ZSCAN20: variants seen among roughly 807,000 people sequenced by gnomAD.
ZSCAN20 encodes zinc finger and SCAN domain containing 20.
A neutral mutation model predicts 97.1 loss-of-function variants in ZSCAN20; 39 were observed. The ratio of observed to expected loss-of-function variants is 0.40; its 90% CI spans 0.31 to 0.52. ZSCAN20 has a LOEUF of 0.52. Among genes scored for constraint, ZSCAN20 ranks in the 20% least tolerant of loss-of-function variants. ZSCAN20 has a pLI of 0.49. For missense variants in ZSCAN20, 1,115 were observed against 1,290.4 expected (o/e 0.86, Z 2.08); for synonymous variants, 456 against 467.3 (o/e 0.98, Z 0.31).
In ZSCAN20 at chr1:33,494,490, A is replaced by G; in HGVS notation, c.2146A>G (p.Met716Val). The change falls in exon 8 of 8, where the codon ATG becomes GTG. Residue 716 changes from methionine (M) to valine (V), a missense_variant. By Grantham distance (21) the Met-to-Val change is conservative. Coordinates refer to ENST00000684572, the MANE Select transcript of ZSCAN20 (RefSeq NM_001377376.1). Reference protein sequence around the residue: ...AEKPYKCDTCMKSFSRSSHFI... With the variant: ...AEKPYKCDTCVKSFSRSSHFI... ...GAAACCCTACAAGTGTGACACATGC[A>G]TGAAGAGCTTCAGTCGGAGCTCCCA... is the stretch of plus-strand genomic sequence containing the variant. 1.2e-6 allele frequency: 2 copies of G among 1,614,248 alleles called. No individual in the cohort carries two copies. The highest frequency in any genetic ancestry group is 1.7e-6 in the Non-Finnish European group (2 of 1,180,024).
chr1:33,488,710 G>T, intron 3 of ZSCAN20, 59 bp downstream of exon 3: 1 of 1,543,786 alleles, frequency 6.5e-7, no homozygotes, highest in Admixed American at 2.1e-5. Flanking sequence ...GGGATGGGAG[G>T]TGAGGAAGGG....
chr1:33,473,169 T>A (rs186683554), intron 1 of ZSCAN20, among the ~76,000 whole-genome samples: 1 of 152,272 alleles, frequency 6.6e-6, no homozygotes, highest in East Asian at 1.9e-4. Flanking sequence ...GGACTGGCTA[T>A]TGTGTTCTGC....
Position 33,493,539 on chromosome 1 carries a change from C to G in ZSCAN20, c.1797C>G (p.Ala599=), listed in dbSNP as rs1652712278. ...GGCAGAGTAGTGCTGAGACTGATGC[C>G]CAGGAGGCCTGGGGTGAAGTGGCCA... ...RCGQSSAETD[A]QEAWGEVANE... is the part of the protein sequence containing the mutation. Residue 599 remains alanine (A), a synonymous_variant, in exon 7 of 8, where the codon GCC becomes GCG. Transcript: ENST00000684572. This position sits in a 1 kb window ranked among gnomAD's most constrained non-coding sequence, Gnocchi z 4.3. The G allele has an allele frequency of 5.0e-6, 8 of 1,612,922 alleles. No homozygotes were observed. The highest frequency in any genetic ancestry group is 6.8e-6 in the Non-Finnish European group (8 of 1,179,264).
At position 33,500,230 on chromosome 1, in the gene ZSCAN20, C is replaced by A. The variant is rs780297299; in HGVS notation, c.*4754C>A. On this transcript the variant is annotated 3_prime_UTR_variant, in exon 8 of 8. Transcript: ENST00000684572. The stretch of plus-strand genomic sequence containing the variant: ...GGGGCAAAGGCAGGTTCCTTCCTTA[C>A]CTTATTGTTGCTTCCCCCACCCCAT... Among the ~76,000 whole-genome samples the A allele has an allele frequency of 1.3e-5, 2 of 152,152 alleles. No individual in the cohort carries two copies. The highest frequency in any genetic ancestry group is 4.8e-5 in the African/African-American group (2 of 41,416).
At position 33,489,148 on chromosome 1, in the gene ZSCAN20, A is replaced by G. The variant is rs564829455; in HGVS notation, c.638A>G (p.Lys213Arg). ...VLTPRVPTLP[K>R]MGSVGDWEVT... ...ACTCCCCGAGTCCCTACTCTCCCAA[A>G]GATGGGGAGCGTTGGAGATTGGGAG... Residue 213 changes from lysine (K) to arginine (R), a missense_variant, in exon 4 of 8, where the codon AAG becomes AGG. Physicochemically the swap from Lys to Arg is conservative, Grantham distance 26. Around this residue, in one of 3 missense-constraint regions of ZSCAN20, gnomAD observed 508 missense variants for 611.2 expected, o/e 0.83. Transcript: ENST00000684572. The G allele has an allele frequency of 9.2e-5, 149 of 1,613,862 alleles. 1 individual carries two copies. In the South Asian group the frequency reaches 1.6e-3, roughly 17 times the overall value.
At chr1:33,482,993 T>C (rs1652210965) in intron 2 of ZSCAN20, among the ~76,000 whole-genome samples, 1 of 152,242 alleles carries the variant, frequency 6.6e-6, no homozygotes, top group African/African-American at 2.4e-5. Flanking sequence ...TTTGCAAATA[T>C]ATTCTCCCAG....
Position 33,491,810 on chromosome 1 carries a change from A to G in ZSCAN20, c.1444+108A>G. On this transcript the variant is annotated intron_variant, in intron 6 of 7. Transcript: ENST00000684572. The surrounding 1 kb of genome is among the most constrained non-coding windows in gnomAD (Gnocchi z 4.3). ...GCTGCAAGTCTGGATTGAAGCCACT[A>G]GAGTGAAGAGCTACATTCCTTAGGT... The G allele has an allele frequency of 8.8e-7, 1 of 1,140,604 alleles. No homozygotes were observed. The highest frequency in any genetic ancestry group is 1.8e-5 in the South Asian group (1 of 56,206). The allele number at this position is 1,140,604 out of a possible 1,614,324, so 70.7% of individuals were successfully genotyped here.
rs936763773 is a variant in ZSCAN20 at position 33,488,503 on chromosome 1, G to C, written c.456G>C (p.Lys152Asn). The change falls in exon 3 of 8, where the codon AAG becomes AAC. Residue 152 changes from lysine (K) to asparagine (N), a missense_variant. Lys to Asn is a moderately conservative substitution (Grantham distance 94). Transcript: ENST00000684572. ...ELHTEETRPL[K>N]TGEEAQSFQL... The stretch of plus-strand genomic sequence containing the variant: ...ATACAGAAGAGACCAGGCCCTTAAA[G>C]ACAGGGGAAGAAGCTCAGAGCTTCC... The C allele has an allele frequency of 1.1e-5, 18 of 1,614,048 alleles. No homozygotes were observed. The highest frequency in any genetic ancestry group is 1.5e-5 in the Non-Finnish European group (18 of 1,180,030).
In ZSCAN20 at chr1:33,491,964, GTC is replaced by G; in HGVS notation, c.1444+263_1444+264del. 2.8e-6 allele frequency: 1 copy of G among 351,862 alleles called. No individual in the cohort carries two copies. The allele number at this position is 351,862 out of a possible 1,614,324, so 21.8% of individuals were successfully genotyped here. On this transcript the variant is annotated intron_variant, in intron 6 of 7. Transcript: ENST00000684572. This position sits in a 1 kb window ranked among gnomAD's most constrained non-coding sequence, Gnocchi z 4.3. ...GTGAATCCAGTATTTCCAAAAGTGTGTCACTGGTAGTATGGGATGATCATCGA... is the reference window on the plus strand; with the variant it reads ...GTGAATCCAGTATTTCCAAAAGTGTGACTGGTAGTATGGGATGATCATCGA...
rs937645199 is a variant in ZSCAN20, at chr1:33,497,985, C to A, written c.*2509C>A. Among the ~76,000 whole-genome samples, 4 of 152,034 alleles carry A rather than the reference C, an allele frequency of 2.6e-5. No homozygotes were observed. The highest frequency in any genetic ancestry group is 9.7e-5 in the African/African-American group (4 of 41,378). Reference sequence around the variant, plus strand: ...GGCTAGGACTAGAGATCTGTGTATGCGAAGTAGTTAAACTAATGAGAAAGG... The same window carrying A: ...GGCTAGGACTAGAGATCTGTGTATGAGAAGTAGTTAAACTAATGAGAAAGG... On this transcript the variant is annotated 3_prime_UTR_variant, in exon 8 of 8. Transcript: ENST00000684572.
Position 33,494,208 on chromosome 1 carries a change from A to G in ZSCAN20, c.1874-10A>G, listed in dbSNP as rs763596086. ...GTGAAGAAAAACTGCATTTCTGTCC[A>G]TTTTTTCAGGTTTTGAAATGAGGCA... is the stretch of plus-strand genomic sequence containing the variant. On this transcript the variant is annotated splice_polypyrimidine_tract_variant and intron_variant, in intron 7 of 7. Coordinates refer to ENST00000684572, the MANE Select transcript of ZSCAN20 (RefSeq NM_001377376.1). The G allele has an allele frequency of 1.6e-5, 25 of 1,546,130 alleles. No homozygotes were observed. In the South Asian group the frequency reaches 3.1e-4, roughly 19 times the overall value.
intron 1 of ZSCAN20, among the ~76,000 whole-genome samples, chr1:33,473,211 T>A (rs1651793962): frequency 6.6e-6 from 1 of 152,188 alleles, no homozygotes; most frequent in African/African-American, 2.4e-5. Context: ...TTATGTCTTA[T>A]GGAAGTCAGT....
intron 5 of ZSCAN20, among the ~76,000 whole-genome samples, chr1:33,490,199 G>T (rs980385280): frequency 6.6e-6 from 1 of 152,154 alleles, no homozygotes; most frequent in Admixed American, 6.5e-5. Flanking sequence ...CCAGAAGCTC[G>T]CTGGCTACTT....
chr1:33,482,430 T>A (rs1652190237), intron 2 of ZSCAN20, among the ~76,000 whole-genome samples: 2 of 152,254 alleles, frequency 1.3e-5, no homozygotes, highest in Admixed American at 1.3e-4. Flanking sequence ...CTTAACAATA[T>A]TCCGTTGTGT....
rs780610789 is a variant in ZSCAN20, at chr1:33,479,279, G to T, written c.-10G>T. 1.3e-6 allele frequency: 2 copies of T among 1,592,760 alleles called. No homozygotes were observed. Among genetic ancestry groups the T allele is most frequent in the South Asian group, 1.2e-5 (1 of 86,652 alleles). On this transcript the variant is annotated 5_prime_UTR_variant, in exon 2 of 8. Transcript: ENST00000684572. ...TCAGCATAGCTGAAGTGAGGTGTCT[G>T]GGTTAGACAATGGCTATGGCCCTGG...
rs934501528 is a variant in ZSCAN20, at chr1:33,500,440, A to G, written c.*4964A>G. On this transcript the variant is annotated 3_prime_UTR_variant, in exon 8 of 8. Coordinates refer to ENST00000684572, the MANE Select transcript of ZSCAN20 (RefSeq NM_001377376.1). ...GTGTGTTTGGTTCCCCCACTTCTCA[A>G]AGCTGAGAGCTTCTTTGTTTTAAGA... 3.9e-5 allele frequency among the ~76,000 whole-genome samples: 6 copies of G among 152,078 alleles called. No individual in the cohort carries two copies. Among genetic ancestry groups the G allele is most frequent in the African/African-American group, 7.2e-5 (3 of 41,406 alleles).
chr1:33,484,228 A>G (rs1020286825), intron 2 of ZSCAN20, among the ~76,000 whole-genome samples: 1 of 152,322 alleles, frequency 6.6e-6, no homozygotes, highest in East Asian at 1.9e-4. Flanking sequence ...GACTTCCAGT[A>G]TGAAAGAATA....
intron 7 of ZSCAN20, among the ~76,000 whole-genome samples, chr1:33,494,002 C>T (rs1652731265): frequency 6.6e-6 from 1 of 152,198 alleles, no homozygotes; most frequent in African/African-American, 2.4e-5. Flanking sequence ...CACCATGTCC[C>T]AGAGTCCATT....
intron 1 of ZSCAN20, among the ~76,000 whole-genome samples, chr1:33,473,278 C>T (rs908698356): frequency 1.3e-5 from 2 of 152,126 alleles, no homozygotes; most frequent in Non-Finnish European, 2.9e-5. Context: ...ATTCCTCTTG[C>T]ATTCTTCCAC....
Sources: allele counts gnomAD v4.1 joint callset (sites outside exome capture counted in the v4.1 genomes callset), GRCh38; gene constraint gnomAD v4.1.1; regional missense constraint gnomAD v4.1.1; non-coding constraint Gnocchi (gnomAD v3.1); transcripts MANE v1.5; gene names NCBI Gene and HGNC (gene_info 2026-07-23, HGNC 2026-07-21).